Variants in SLC47A2 observed in about 807,000 individuals in gnomAD.
The protein encoded by SLC47A2 is multidrug and toxin extrusion protein 2.
A neutral mutation model predicts 67.7 loss-of-function variants in SLC47A2; 52 were observed. The ratio of observed to expected loss-of-function variants is 0.77; its 90% CI spans 0.61 to 0.97. The LOEUF (loss-of-function observed/expected upper bound fraction) is 0.97, where lower values mean the gene tolerates loss of function less well. Ranked by LOEUF, SLC47A2 falls within the 50% of genes least tolerant of loss-of-function variation. The pLI, the probability that SLC47A2 is intolerant of heterozygous loss-of-function variation, is 0.00. For synonymous variants in SLC47A2, 278 were observed against 292.9 expected (o/e 0.95, Z 0.52); for missense variants, 676 against 712.3 (o/e 0.95, Z 0.58).
chr17:19,702,894 T>C (rs1258754663), intron 12 of SLC47A2, among the ~76,000 whole-genome samples, 198 bp downstream of exon 12: 1 of 152,148 alleles, frequency 6.6e-6, no homozygotes, highest in Non-Finnish European at 1.5e-5. Flanking sequence ...GCCCTTCAAT[T>C]AGCCTCTTGT....
At chr17:19,680,078 T>C in intron 15 of SLC47A2, 39 bp from the exon 16 acceptor site, 1 of 1,598,950 alleles carries the variant, frequency 6.3e-7, no homozygotes, top group Non-Finnish European at 8.5e-7. Context: ...ACCTGCCAGC[T>C]CAACAGTTCA....
chr17:19,696,724 A>T (rs981307865), intron 13 of SLC47A2, among the ~76,000 whole-genome samples: 2 of 152,210 alleles, frequency 1.3e-5, no homozygotes, highest in Non-Finnish European at 2.9e-5. Flanking sequence ...AATTTTTGGT[A>T]CTTTGTTATG....
At chr17:19,714,015 G>C (rs374125037) in intron 3 of SLC47A2, 42 bp from the exon 4 acceptor site, 5 of 1,588,512 alleles carry the variant, frequency 3.1e-6, no homozygotes, top group South Asian at 1.1e-5. Flanking sequence ...TCCACTGCCC[G>C]GGACATTCCT....
intron 13 of SLC47A2, chr17:19,692,307 C>A (rs1383827720): frequency 4.6e-6 from 2 of 436,752 alleles, no homozygotes; most frequent in East Asian, 7.3e-5. Context: ...AAAATAAAAC[C>A]AAAAAACAAA....
At chr17:19,716,209 G>T in intron 1 of SLC47A2, 1 of 625,196 alleles carries the variant, frequency 1.6e-6, no homozygotes, top group Non-Finnish European at 2.6e-6. Context: ...TCTGTGTGGG[G>T]GCTGCCTGCT....
At chr17:19,713,718 C>T (rs1193694913) in intron 4 of SLC47A2, 107 bp downstream of exon 4, 3 of 1,474,528 alleles carry the variant, frequency 2.0e-6, no homozygotes, top group African/African-American at 1.4e-5. Context: ...TGTGAGCACT[C>T]GTGGCCTAGA....
intron 4 of SLC47A2, 56 bp downstream of exon 4, chr17:19,713,769 C>T: frequency 5.7e-6 from 9 of 1,574,122 alleles, no homozygotes; most frequent in Middle Eastern, 2.3e-4. Flanking sequence ...CAGGGTTTCC[C>T]TCGGCGGCCC....
intron 7 of SLC47A2, 101 bp from the exon 8 acceptor site, chr17:19,707,944 G>C: frequency 2.8e-6 from 3 of 1,084,452 alleles, no homozygotes; most frequent in Non-Finnish European, 4.1e-6. Flanking sequence ...TGTGGGGCAG[G>C]CATGGCTCTG....
chr17:19,682,167 A>C (rs983675202), intron 13 of SLC47A2, among the ~76,000 whole-genome samples: 12 of 152,244 alleles, frequency 7.9e-5, no homozygotes, highest in Non-Finnish European at 1.6e-4. Context: ...GGAGTTCAAG[A>C]CCAGCCTGGC....
intron 13 of SLC47A2, among the ~76,000 whole-genome samples, chr17:19,687,430 G>A (rs1168697955): frequency 6.6e-6 from 1 of 151,908 alleles, no homozygotes; most frequent in Non-Finnish European, 1.5e-5. Context: ...GTCCTGTGAG[G>A]CCAGCCAGAA....
intron 6 of SLC47A2, 106 bp from the exon 7 acceptor site, chr17:19,708,505 T>C (rs776407590): frequency 1.9e-6 from 3 of 1,613,900 alleles, no homozygotes; most frequent in Non-Finnish European, 2.5e-6. Flanking sequence ...CCTTCAGCCA[T>C]CCCTGTTGAG....
At chr17:19,705,316 G>C (rs1004064164) in intron 10 of SLC47A2, 120 bp downstream of exon 10, 76 of 1,078,276 alleles carry the variant, frequency 7.0e-5, no homozygotes, top group Non-Finnish European at 9.4e-5. Flanking sequence ...GGGCACGAGA[G>C]GCCCGGGGAG....
At chr17:19,715,068 A>G in intron 2 of SLC47A2, 48 bp downstream of exon 2, 1 of 1,584,068 alleles carries the variant, frequency 6.3e-7, no homozygotes. Context: ...CCCGGTGGAG[A>G]AGCCTGGGGA....
chr17:19,715,064 G>A, intron 2 of SLC47A2, 52 bp downstream of exon 2: 6 of 1,578,386 alleles, frequency 3.8e-6, no homozygotes, highest in South Asian at 1.1e-5. Flanking sequence ...GGAACCCGGT[G>A]GAGAAGCCTG....
intron 13 of SLC47A2, chr17:19,702,256 T>C (rs76119305): frequency 0.074 from 72,935 of 985,298 alleles, 3,003 homozygotes; most frequent in Non-Finnish European, 0.081. Context: ...CAACAGGATA[T>C]GGTTGCCATT....
rs113359120 is a variant in SLC47A2 at position 19,702,125 on chromosome 17, T to C, written c.1164+480A>G. 4,639 of 984,476 alleles carry C rather than the reference T, an allele frequency of 4.7e-3. 112 individuals carry two copies. The African/African-American group carries it at 0.062, about 13-fold the overall frequency. 61.0% of individuals were successfully genotyped at this position (984,476 alleles called of 1,614,324 possible). On this transcript the variant is annotated intron_variant, in intron 13 of 16. Transcript: ENST00000433844. Reference sequence around the variant, plus strand: ...CCCTGTCTCAAAAAAAAAAAAAAATTACATAATTCAAATCTGTGTTAAATG... The same window carrying C: ...CCCTGTCTCAAAAAAAAAAAAAAATCACATAATTCAAATCTGTGTTAAATG...
intron 1 of SLC47A2, chr17:19,716,078 C>T (rs762049687): frequency 3.5e-5 from 8 of 229,424 alleles, no homozygotes; most frequent in South Asian, 1.2e-4. Flanking sequence ...AATGGGTAGC[C>T]GGCCCCTTCT....
intron 13 of SLC47A2, among the ~76,000 whole-genome samples, chr17:19,688,862 A>G (rs1040716234): frequency 6.8e-6 from 1 of 146,134 alleles, no homozygotes; most frequent in Admixed American, 6.9e-5. Flanking sequence ...CCCGCTGGTG[A>G]TATCTTTTTT....
chr17:19,709,644 T>C (rs2086043441), intron 5 of SLC47A2, among the ~76,000 whole-genome samples: 1 of 152,188 alleles, frequency 6.6e-6, no homozygotes, highest in Non-Finnish European at 1.5e-5. Flanking sequence ...GCAAAGTTAA[T>C]ATTGCAAAGT....
Sources: gnomAD v4.1 joint callset for allele counts (sites outside exome capture counted in the v4.1 genomes callset) on GRCh38, gnomAD v4.1.1 for gene constraint, MANE v1.5 for transcripts, NCBI Gene and HGNC (gene_info 2026-07-23, HGNC 2026-07-21) for gene names.